EYS: variants seen among roughly 807,000 people sequenced by gnomAD.
The protein encoded by EYS is EGF-like photoreceptor maintenance factor, also known as protein eyes shut homolog.
EYS carries 250 observed loss-of-function variants against 282.1 expected under a neutral mutation model. The ratio of observed to expected loss-of-function variants is 0.89; its 90% CI spans 0.80 to 0.98. EYS has a LOEUF of 0.98. Ranked by LOEUF, EYS falls within the 50% of genes least tolerant of loss-of-function variation. The pLI is 0.00. For synonymous variants in EYS, 1,355 were observed against 1,282.9 expected, an observed-to-expected ratio of 1.06 and a Z score of -1.20; for missense variants, 4,016 against 3,709.0, an observed-to-expected ratio of 1.08 and a Z score of -2.15.
chr6:65,260,851 T>C (rs552061611), intron 12 of EYS, among the ~76,000 whole-genome samples: 54 of 152,214 alleles, frequency 3.5e-4, no homozygotes, highest in African/African-American at 1.3e-3. Context: ...TATTTTCCTA[T>C]AAGAACTTAT....
At chr6:65,125,844 C>T (rs1158603508) in intron 12 of EYS, among the ~76,000 whole-genome samples, 1 of 152,116 alleles carries the variant, frequency 6.6e-6, no homozygotes, top group Admixed American at 6.6e-5. Flanking sequence ...GCCTGCCTTC[C>T]TCTCTTCAGA....
At chr6:64,443,366 G>T (rs1186436759) in intron 26 of EYS, among the ~76,000 whole-genome samples, 4 of 152,166 alleles carry the variant, frequency 2.6e-5, no homozygotes, top group African/African-American at 9.7e-5. Flanking sequence ...AGTGGGGAGG[G>T]ACTTGCCTTG....
chr6:64,321,324 T>A (rs1289333456), intron 29 of EYS, among the ~76,000 whole-genome samples: 2 of 151,830 alleles, frequency 1.3e-5, no homozygotes, highest in Non-Finnish European at 3.0e-5. Flanking sequence ...TTACTCAGGC[T>A]TAGTTTATTC....
At chr6:64,024,874 A>G (rs145462867) in intron 33 of EYS, among the ~76,000 whole-genome samples, 16 of 152,020 alleles carry the variant, frequency 1.1e-4, no homozygotes, top group Admixed American at 1.0e-3. Context: ...GAGTTGTAAC[A>G]CTCACCGTGA....
chr6:64,673,605 T>A (rs1466747931), intron 22 of EYS, among the ~76,000 whole-genome samples: 3 of 152,060 alleles, frequency 2.0e-5, no homozygotes, highest in Admixed American at 1.3e-4. Flanking sequence ...ATTATACTTA[T>A]CGAGACTATT....
rs755526428 is a variant in EYS at position 65,322,259 on chromosome 6, C to T, written c.1766+12721G>A. Among the ~76,000 whole-genome samples the T allele has an allele frequency of 3.3e-5, 5 of 152,226 alleles. No homozygotes were observed. The East Asian group carries it at 9.7e-4, about 29-fold the overall frequency. On this transcript the variant is annotated intron_variant, in intron 11 of 42. Coordinates refer to ENST00000503581, the MANE Select transcript of EYS (RefSeq NM_001142800.2). Reference sequence around the variant, plus strand: ...ATGAAATGAGGAAAGCACGGTTCACCTTCAAGAGAAAGAAGTAGGACTCTG... The same window carrying T: ...ATGAAATGAGGAAAGCACGGTTCACTTTCAAGAGAAAGAAGTAGGACTCTG...
chr6:64,808,628 T>A (rs1764506820), intron 22 of EYS, among the ~76,000 whole-genome samples: 1 of 147,140 alleles, frequency 6.8e-6, no homozygotes, highest in African/African-American at 2.6e-5. Flanking sequence ...TTCTTGGTAA[T>A]TTTTTTTTTC....
At chr6:63,785,561 G>GGC (rs1427667514) in intron 39 of EYS, among the ~76,000 whole-genome samples, 2 of 152,044 alleles carry the variant, frequency 1.3e-5, no homozygotes, top group African/African-American at 4.8e-5. Context: ...TATTTAAGGT[G>GGC]GTTAGTCTCA....
intron 12 of EYS, among the ~76,000 whole-genome samples, chr6:65,251,662 T>G (rs1582065033): frequency 6.6e-6 from 1 of 152,064 alleles, no homozygotes; most frequent in South Asian, 2.1e-4. Context: ...CAGTAGCAGG[T>G]AAAATGGGTA....
At chr6:64,569,942 C>T (rs1264701601) in intron 26 of EYS, among the ~76,000 whole-genome samples, 2 of 152,070 alleles carry the variant, frequency 1.3e-5, no homozygotes, top group Non-Finnish European at 2.9e-5. Flanking sequence ...ATACGGAGAA[C>T]AGCACAAAGA....
chr6:65,649,918 A>G (rs1053085041), intron 1 of EYS, among the ~76,000 whole-genome samples: 2 of 152,082 alleles, frequency 1.3e-5, no homozygotes. Context: ...AAATTCATGA[A>G]TAAAATTTCA....
intron 22 of EYS, among the ~76,000 whole-genome samples, chr6:64,676,318 A>ATC (rs1769673962): frequency 1.4e-5 from 2 of 145,416 alleles, no homozygotes; most frequent in Non-Finnish European, 3.0e-5. Flanking sequence ...CAATATATCT[A>ATC]TATATATATA....
At chr6:63,758,682 T>C (rs1452177305) in intron 41 of EYS, among the ~76,000 whole-genome samples, 1 of 152,170 alleles carries the variant, frequency 6.6e-6, no homozygotes, top group East Asian at 1.9e-4. Context: ...TTTTCTATTT[T>C]TCTTAATGTA....
intron 8 of EYS, among the ~76,000 whole-genome samples, chr6:65,359,061 A>T (rs1764600478): frequency 1.3e-5 from 2 of 152,082 alleles, no homozygotes; most frequent in South Asian, 4.1e-4. Flanking sequence ...ATATTAGACA[A>T]CTAAACTTGA....
chr6:63,938,571 G>T (rs916524470), intron 35 of EYS, among the ~76,000 whole-genome samples: 4 of 152,186 alleles, frequency 2.6e-5, no homozygotes, highest in Non-Finnish European at 5.9e-5. Context: ...TTGAAATGTG[G>T]TTTAATTCTC....
At chr6:64,916,012 A>G (rs1245547689) in intron 15 of EYS, among the ~76,000 whole-genome samples, 1 of 152,164 alleles carries the variant, frequency 6.6e-6, no homozygotes, top group African/African-American at 2.4e-5. Context: ...CCCAGTCTTA[A>G]GAGAACTTCA....
chr6:63,864,661 C>T (rs1286232193), intron 35 of EYS, among the ~76,000 whole-genome samples: 2 of 152,096 alleles, frequency 1.3e-5, no homozygotes, highest in Non-Finnish European at 2.9e-5. Context: ...CTTTTCAGGG[C>T]TTCATTGAAT....
chr6:65,078,402 C>G (rs1774122777), intron 12 of EYS, among the ~76,000 whole-genome samples: 1 of 151,802 alleles, frequency 6.6e-6, no homozygotes, highest in Admixed American at 6.6e-5. Context: ...TTTTAGAACA[C>G]AATAGCAAAA....
chr6:65,538,703 A>G (rs1019481723), intron 2 of EYS, among the ~76,000 whole-genome samples: 1 of 152,144 alleles, frequency 6.6e-6, no homozygotes, highest in African/African-American at 2.4e-5. Context: ...AGTCGCAACA[A>G]TTCTTTCAAA....
Sources: allele counts gnomAD v4.1 joint callset (sites outside exome capture counted in the v4.1 genomes callset), GRCh38; gene constraint gnomAD v4.1.1; transcripts MANE v1.5; gene names NCBI Gene and HGNC (gene_info 2026-07-23, HGNC 2026-07-21).